The following THAP9 variants were observed in gnomAD, a reference collection of about 807,000 sequenced individuals.
The protein encoded by THAP9 is THAP domain containing 9.
In THAP9, 20 loss-of-function variants were observed where a neutral mutation model predicts 35.7. The observed-to-expected ratio is 0.56, with a 90% CI of 0.39 to 0.81. The LOEUF (loss-of-function observed/expected upper bound fraction) is 0.81. Ranked by LOEUF, THAP9 falls within the 40% of genes least tolerant of loss-of-function variation. The probability of loss-of-function intolerance (pLI) is 0.00; values close to 1 mark genes in which losing one functional copy is unlikely to be tolerated. For synonymous variants in THAP9, 335 were observed against 373.7 expected (o/e 0.90, Z 1.19); for missense variants, 870 against 1,047.4 (o/e 0.83, Z 2.34).
intron 1 of THAP9, among the ~76,000 whole-genome samples, chr4:82,902,866 C>T (rs1047454034): frequency 1.3e-5 from 2 of 152,204 alleles, no homozygotes; most frequent in Non-Finnish European, 2.9e-5. Context: ...TTTGTAGCCT[C>T]ATACACTCTT....
intron 1 of THAP9, chr4:82,901,130 C>G (rs770126614): frequency 5.8e-6 from 4 of 686,894 alleles, no homozygotes; most frequent in Non-Finnish European, 8.0e-6. Context: ...AGGAGAGTTA[C>G]GCGAAAGGAG....
intron 1 of THAP9, among the ~76,000 whole-genome samples, chr4:82,902,704 G>A (rs1290794343): frequency 6.6e-6 from 1 of 152,084 alleles, no homozygotes; most frequent in Non-Finnish European, 1.5e-5. Context: ...CAACTTTATT[G>A]GAAAAAGAAT....
chr4:82,904,619 A>G (rs1720567310), intron 1 of THAP9, 117 bp from the exon 2 acceptor site: 1 of 923,112 alleles, frequency 1.1e-6, no homozygotes, highest in African/African-American at 1.7e-5. Context: ...CTTTTAATTC[A>G]CTTGGCTTTA....
intron 4 of THAP9, among the ~76,000 whole-genome samples, chr4:82,911,436 A>T (rs1044746859): frequency 4.0e-5 from 6 of 151,594 alleles, no homozygotes; most frequent in Admixed American, 3.3e-4. Context: ...CTAAAAAAAT[A>T]AAAAAAAATT....
At position 82,918,111 on chromosome 4, in the gene THAP9, A is replaced by G. The variant is rs778903941; in HGVS notation, c.1899A>G (p.Ala633=). The G allele has an allele frequency of 6.2e-7, 1 of 1,614,164 alleles. No homozygotes were observed. Among genetic ancestry groups the G allele is most frequent in the Non-Finnish European group, 8.5e-7 (1 of 1,180,008 alleles). Residue 633 remains alanine (A), a synonymous_variant, in exon 5 of 5, where the codon GCA becomes GCG. Transcript: ENST00000302236. ...LVTSSSPTCM[A]FQKAYYNLET... is the part of the protein sequence containing the mutation. ...CAAGTTCTAGCCCTACCTGCATGGC[A>G]TTCCAGAAAGCTTACTATAATTTGG...
At chr4:82,915,239 ATTGTTTTGTTTTGTTTTGTT>A (rs6148550) in intron 4 of THAP9, among the ~76,000 whole-genome samples, 7 of 151,444 alleles carry the variant, frequency 4.6e-5, no homozygotes, top group Admixed American at 2.6e-4. Flanking sequence ...TAAGTATGTT[ATTGTTTTGTTTTGTTTTGTT>A]TTGTTTTGTT....
Position 82,918,125 on chromosome 4 carries a change from A to C in THAP9, c.1913A>C (p.Tyr638Ser). ...SPTCMAFQKA[Y>S]YNLETRYKFQ... is the part of the protein sequence containing the mutation. ...ACCTGCATGGCATTCCAGAAAGCTT[A>C]CTATAATTTGGAGACCAGATACAAA... is the stretch of plus-strand genomic sequence containing the variant. Residue 638 changes from tyrosine (Y) to serine (S), a missense_variant, in exon 5 of 5, where the codon TAC (tyrosine) becomes TCC (serine). Tyr to Ser is a moderately radical substitution (Grantham distance 144). This residue lies in a region of THAP9 where 414 missense variants were observed against 500.8 expected (regional missense o/e 0.83). Transcript: ENST00000302236. 1 of 1,614,176 alleles carries C rather than the reference A, an allele frequency of 6.2e-7. No homozygotes were observed. Among genetic ancestry groups the C allele is most frequent in the East Asian group, 2.2e-5 (1 of 44,886 alleles).
chr4:82,908,867 A>G (rs1720757146), intron 4 of THAP9, among the ~76,000 whole-genome samples: 1 of 151,456 alleles, frequency 6.6e-6, no homozygotes, highest in South Asian at 2.1e-4. Context: ...AAGTGCTGGG[A>G]TTACAGGCAT....
At position 82,917,315 on chromosome 4, in the gene THAP9, T is replaced by A; in HGVS notation, c.1103T>A (p.Val368Asp). 1.9e-6 allele frequency: 3 copies of A among 1,613,934 alleles called. No homozygotes were observed. The highest frequency in any genetic ancestry group is 2.5e-6 in the Non-Finnish European group (3 of 1,179,842). Reference sequence around the variant, plus strand: ...AAACTGAGTGACATAGGAATCACAGTTCTGGCTGTTACATCTGATGCCACA... The same window carrying A: ...AAACTGAGTGACATAGGAATCACAGATCTGGCTGTTACATCTGATGCCACA... Reference protein sequence around the residue: ...IGKLSDIGITVLAVTSDATAH... With the variant: ...IGKLSDIGITDLAVTSDATAH... The change falls in exon 5 of 5, where the codon GTT becomes GAT. Residue 368 changes from valine (V) to aspartate (D), a missense_variant. This residue lies in a region of THAP9 where 440 missense variants were observed against 501.2 expected (regional missense o/e 0.88). Coordinates refer to ENST00000302236, the MANE Select transcript of THAP9 (RefSeq NM_024672.6).
intron 2 of THAP9, 119 bp downstream of exon 2, chr4:82,905,050 A>G (rs1319351844): frequency 1.2e-6 from 1 of 823,930 alleles, no homozygotes; most frequent in Non-Finnish European, 1.8e-6. Context: ...AAATCCAGTA[A>G]TAGATTTTAA....
rs199572674 is a variant in THAP9 at position 82,918,897 on chromosome 4, A to G, written c.2685A>G (p.Leu895=). Residue 895 remains leucine (L), a synonymous_variant, in exon 5 of 5, where the codon CTA becomes CTG. Transcript: ENST00000302236. ...ANTSSKFRHL[L]SNDGYPFK is the part of the protein sequence containing the mutation. ...CCAGTAGTAAATTCAGGCATTTGCT[A>G]AGTAACGATGGATATCCATTCAAAT... 77 of 1,604,564 alleles carry G rather than the reference A, an allele frequency of 4.8e-5. No homozygotes were observed. Among genetic ancestry groups the G allele is most frequent in the Non-Finnish European group, 6.1e-5 (72 of 1,175,076 alleles).
chr4:82,913,316 C>G (rs1720927989), intron 4 of THAP9: 1 of 152,100 alleles, frequency 6.6e-6, no homozygotes, highest in Non-Finnish European at 1.5e-5. Context: ...TCAAACTCAG[C>G]AGAACATAAG....
chr4:82,900,949 T>C (rs1409777098), intron 1 of THAP9, 67 bp downstream of exon 1: 1 of 1,583,612 alleles, frequency 6.3e-7, no homozygotes, highest in African/African-American at 1.3e-5. Context: ...TGGCGTGGCG[T>C]GGGGCGGGGC....
At chr4:82,915,702 C>T (rs966738774) in intron 4 of THAP9, among the ~76,000 whole-genome samples, 4 of 152,008 alleles carry the variant, frequency 2.6e-5, no homozygotes, top group African/African-American at 9.7e-5. Flanking sequence ...TAGGACACCC[C>T]CAACTTGTGC....
In THAP9 at chr4:82,918,027, C is replaced by T. The variant is rs759566836; in HGVS notation, c.1815C>T (p.Tyr605=). 1.9e-6 allele frequency: 3 copies of T among 1,613,942 alleles called. No homozygotes were observed. The highest frequency in any genetic ancestry group is 1.7e-6 in the Non-Finnish European group (2 of 1,179,968). Residue 605 remains tyrosine, a synonymous_variant, in exon 5 of 5, where the codon TAC becomes TAT. Coordinates refer to ENST00000302236, the MANE Select transcript of THAP9 (RefSeq NM_024672.6). ...KVMPFPYLLT[Y]KFSHDHLELF... is the part of the protein sequence containing the mutation. ...TGCCTTTTCCTTATCTTCTGACTTACAAATTCAGTCATGATCATCTGGAAT... is the reference window on the plus strand; with the variant it reads ...TGCCTTTTCCTTATCTTCTGACTTATAAATTCAGTCATGATCATCTGGAAT...
chr4:82,912,762 TGCAC>T (rs1358544549), intron 4 of THAP9, among the ~76,000 whole-genome samples: 1 of 152,226 alleles, frequency 6.6e-6, no homozygotes, highest in Non-Finnish European at 1.5e-5. Flanking sequence ...TGTGTAAGGG[TGCAC>T]ATGCGTGCAT....
At chr4:82,915,773 A>T (rs1165274351) in intron 4 of THAP9, among the ~76,000 whole-genome samples, 1 of 152,170 alleles carries the variant, frequency 6.6e-6, no homozygotes, top group Non-Finnish European at 1.5e-5. Context: ...ACCTGTATGT[A>T]TGAAAAGTTG....
At chr4:82,910,727 G>GA (rs1720837830) in intron 4 of THAP9, 2 of 546,592 alleles carry the variant, frequency 3.7e-6, no homozygotes, top group African/African-American at 3.9e-5. Flanking sequence ...GGAAAACCAG[G>GA]AGATTGTGAT....
At position 82,917,971 on chromosome 4, in the gene THAP9, C is replaced by G. The variant is rs1721099970; in HGVS notation, c.1759C>G (p.Leu587Val). 2.5e-6 allele frequency: 4 copies of G among 1,613,878 alleles called. No homozygotes were observed. Among genetic ancestry groups the G allele is most frequent in the Non-Finnish European group, 3.4e-6 (4 of 1,179,982 alleles). The stretch of plus-strand genomic sequence containing the variant: ...GCTCAATGCTGAGAGCTTAAAATGG[C>G]TCTACCAAAATTATGTTTTCCCAAA... ...FLLNAESLKW[L>V]YQNYVFPKVM... Residue 587 changes from leucine (L) to valine (V), a missense_variant, in exon 5 of 5, where the codon CTC becomes GTC. Physicochemically the swap from Leu to Val is conservative, Grantham distance 32. This residue lies in a region of THAP9 where 414 missense variants were observed against 500.8 expected (regional missense o/e 0.83). Coordinates refer to ENST00000302236, the MANE Select transcript of THAP9 (RefSeq NM_024672.6).
Sources: gnomAD v4.1 joint callset for allele counts (sites outside exome capture counted in the v4.1 genomes callset) on GRCh38, gnomAD v4.1.1 for gene constraint, gnomAD v4.1.1 regional missense constraint, MANE v1.5 for transcripts, NCBI Gene and HGNC (gene_info 2026-07-23, HGNC 2026-07-21) for gene names.